Variants in AK3 observed in about 807,000 individuals in gnomAD.
AK3 encodes the protein adenylate kinase 3, also known as GTP:AMP phosphotransferase AK3, mitochondrial.
A neutral mutation model predicts 23.7 loss-of-function variants in AK3; 27 were observed. The ratio of observed to expected loss-of-function variants is 1.14; its 90% CI spans 0.84 to 1.57. The LOEUF is 1.57. Among genes scored for constraint, AK3 ranks in the 40% most tolerant of loss-of-function variants. The pLI, the probability that AK3 is intolerant of heterozygous loss-of-function variation, is 0.00. For synonymous variants in AK3, 159 were observed against 116.0 expected (o/e 1.37, Z -2.38); for missense variants, 406 against 285.6 (o/e 1.42, Z -3.04).
chr9:4,709,828 TTTTTA>T lies in AK3; in HGVS notation c.*3143_*3147del, dbSNP rs1420770427. The T allele has an allele frequency of 6.6e-6, 1 of 152,008 alleles. No individual in the cohort carries two copies. The highest frequency in any genetic ancestry group is 2.4e-5 in the African/African-American group (1 of 41,260). 9.4% of individuals were successfully genotyped at this position (152,008 alleles called of 1,614,324 possible). On this transcript the variant is annotated 3_prime_UTR_variant, in exon 5 of 5. Coordinates refer to ENST00000381809, the MANE Select transcript of AK3 (RefSeq NM_016282.4). ...GCCTGAGGATTTATTTTTATTTTTA[TTTTTA>T]TTTTTTGGTCAATGAGAAGACACAA... is the stretch of plus-strand genomic sequence containing the variant.
rs759459731 is a variant in AK3, at chr9:4,712,856, T to C, written c.*120A>G. 1.7e-5 allele frequency: 20 copies of C among 1,150,258 alleles called. No individual in the cohort carries two copies. Among genetic ancestry groups the C allele is most frequent in the Non-Finnish European group, 2.4e-5 (20 of 834,496 alleles). The allele number at this position is 1,150,258 out of a possible 1,614,324, so 71.3% of individuals were successfully genotyped here. A position where few individuals can be genotyped will look rare whatever the true frequency, so the allele number is the denominator to read the frequency against. ...GTATCCAAAATAAAATCAGTAGAAA[T>C]AAAAGTAATATAATTTTCAAAGAAT... On this transcript the variant is annotated 3_prime_UTR_variant, in exon 5 of 5. Coordinates refer to ENST00000381809, the MANE Select transcript of AK3 (RefSeq NM_016282.4).
At chr9:4,713,326 C>A (rs974154654) in intron 4 of AK3, among the ~76,000 whole-genome samples, 1 of 152,126 alleles carries the variant, frequency 6.6e-6, no homozygotes, top group African/African-American at 2.4e-5. Context: ...ATAACAGCAC[C>A]TATCATTTAT....
chr9:4,715,435 C>T (rs1385001506), intron 4 of AK3, among the ~76,000 whole-genome samples: 4 of 149,732 alleles, frequency 2.7e-5, no homozygotes, highest in Admixed American at 6.7e-5. Context: ...CTCTGACACC[C>T]GCGCTCTAGA....
intron 1 of AK3, among the ~76,000 whole-genome samples, chr9:4,724,141 G>C: frequency 6.6e-6 from 1 of 152,200 alleles, no homozygotes; most frequent in East Asian, 1.9e-4. Flanking sequence ...GGGCTTGGCA[G>C]ATGGAGAGCT....
intron 1 of AK3, among the ~76,000 whole-genome samples, chr9:4,738,788 GAC>G (rs1488790909): frequency 2.0e-5 from 2 of 101,400 alleles, no homozygotes; most frequent in Non-Finnish European, 3.7e-5. Flanking sequence ...TTTTTTTTGA[GAC>G]AGGGTATCAC....
At chr9:4,716,897 C>CTCCA (rs1554625066) in intron 4 of AK3, among the ~76,000 whole-genome samples, 1 of 152,180 alleles carries the variant, frequency 6.6e-6, no homozygotes, top group Non-Finnish European at 1.5e-5. Flanking sequence ...AACCACTGCA[C>CTCCA]TCCAACCTGG....
intron 1 of AK3, among the ~76,000 whole-genome samples, chr9:4,735,835 C>T (rs891246321): frequency 6.6e-6 from 1 of 151,538 alleles, no homozygotes; most frequent in African/African-American, 2.4e-5. Context: ...TTGATGAAGG[C>T]CAGGTGCAGT....
chr9:4,717,030 T>C (rs1841755157), intron 4 of AK3, among the ~76,000 whole-genome samples: 1 of 152,246 alleles, frequency 6.6e-6, no homozygotes, highest in African/African-American at 2.4e-5. Flanking sequence ...AACATTTCTA[T>C]AGTGCTTTCT....
chr9:4,740,451 G>T (rs1842401450), intron 1 of AK3, among the ~76,000 whole-genome samples: 1 of 152,076 alleles, frequency 6.6e-6, no homozygotes. Flanking sequence ...GGGAATATGG[G>T]GGAAAGGTCA....
intron 1 of AK3, among the ~76,000 whole-genome samples, chr9:4,735,466 G>GAA (rs1842267149): frequency 4.3e-5 from 2 of 46,922 alleles, no homozygotes; most frequent in East Asian, 5.3e-4. Context: ...TAGTATATGT[G>GAA]TATATATATA....
At chr9:4,721,823 GT>G (rs1841904988) in intron 2 of AK3, among the ~76,000 whole-genome samples, 1 of 152,134 alleles carries the variant, frequency 6.6e-6, no homozygotes, top group Admixed American at 6.5e-5. Flanking sequence ...TTGTTTACTT[GT>G]TTACTACTTG....
intron 1 of AK3, among the ~76,000 whole-genome samples, chr9:4,738,121 C>T (rs532223399): frequency 2.2e-4 from 34 of 152,254 alleles, no homozygotes; most frequent in Admixed American, 5.9e-4. Flanking sequence ...TAACAACATA[C>T]GCGTCCAATA....
chr9:4,714,148 A>C (rs1587634152), intron 4 of AK3, among the ~76,000 whole-genome samples: 1 of 68,520 alleles, frequency 1.5e-5, no homozygotes, highest in Non-Finnish European at 3.3e-5. Context: ...ACATATACAC[A>C]CCTCCACATA....
upstream of AK3, chr9:4,741,260 G>A (rs1180609535): frequency 3.2e-6 from 2 of 633,814 alleles, no homozygotes; most frequent in South Asian, 4.0e-5. Context: ...CCCAGACAGC[G>A]CGGGACCCCG....
chr9:4,713,447 C>T (rs995783102), intron 4 of AK3, among the ~76,000 whole-genome samples: 5 of 152,130 alleles, frequency 3.3e-5, no homozygotes, highest in Non-Finnish European at 7.4e-5. Flanking sequence ...CTAATAAAAT[C>T]ATCCCTTTGT....
rs1203150920 is a variant in AK3, at chr9:4,725,541, G to C, written c.152-2916C>G. On this transcript the variant is annotated intron_variant, in intron 1 of 4. Transcript: ENST00000381809. ...CCCAGCACTTTGGGAGGCTGAGGTG[G>C]GCAGATCACCTGAGGTCAGGAGTTC... Among the ~76,000 whole-genome samples the C allele has an allele frequency of 2.0e-5, 3 of 151,898 alleles. No individual in the cohort carries two copies. The East Asian group carries it at 5.8e-4, about 29-fold the overall frequency.
intron 1 of AK3, among the ~76,000 whole-genome samples, chr9:4,730,306 T>TG (rs1842123504): frequency 6.6e-6 from 1 of 152,180 alleles, no homozygotes; most frequent in Non-Finnish European, 1.5e-5. Context: ...ATCATACACT[T>TG]TACAAGGGCT....
Position 4,722,531 on chromosome 9 carries a change from G to A in AK3, c.246C>T (p.Leu82=), listed in dbSNP as rs998305999. The change falls in exon 2 of 5, where the codon CTC becomes CTT. Residue 82 remains leucine (L), a synonymous_variant. Coordinates refer to ENST00000381809, the MANE Select transcript of AK3 (RefSeq NM_016282.4). ...TRLALHELKN[L]TQYSWLLDGF... is the part of the protein sequence containing the mutation. Reference sequence around the variant, plus strand: ...CATCCAACAGCCAGCTATACTGGGTGAGATTTTTCAGCTCATGAAGGGCCA... The same window carrying A: ...CATCCAACAGCCAGCTATACTGGGTAAGATTTTTCAGCTCATGAAGGGCCA... 11 of 1,614,048 alleles carry A rather than the reference G, an allele frequency of 6.8e-6. No homozygotes were observed. The highest frequency in any genetic ancestry group is 9.3e-6 in the Non-Finnish European group (11 of 1,180,040).
At chr9:4,718,349 G>C in intron 4 of AK3, 70 bp downstream of exon 4, 1 of 1,153,060 alleles carries the variant, frequency 8.7e-7, no homozygotes, top group East Asian at 2.4e-5. Flanking sequence ...TTCAGCTGTA[G>C]AGGAAGGAAA....
Sources: gnomAD v4.1 joint callset for allele counts (sites outside exome capture counted in the v4.1 genomes callset) on GRCh38, gnomAD v4.1.1 for gene constraint, MANE v1.5 for transcripts, NCBI Gene and HGNC (gene_info 2026-07-23, HGNC 2026-07-21) for gene names.